CRAMP1: variants seen among roughly 807,000 people sequenced by gnomAD.
The protein encoded by CRAMP1 is protein cramped-like.
Under a neutral mutation model 115.4 loss-of-function variants are expected in CRAMP1, and 50 were observed. The ratio of observed to expected loss-of-function variants is 0.43; its 90% CI spans 0.35 to 0.55. The LOEUF (loss-of-function observed/expected upper bound fraction) is 0.55, where lower values mean the gene tolerates loss of function less well. CRAMP1 is among the 20% of genes least tolerant of loss of function. The probability of loss-of-function intolerance (pLI) is 0.01; values close to 1 mark genes in which losing one functional copy is unlikely to be tolerated. For synonymous variants in CRAMP1, 866 were observed against 745.4 expected, an observed-to-expected ratio of 1.16 and a Z score of -2.64; for missense variants, 1,679 against 1,721.7, an observed-to-expected ratio of 0.98 and a Z score of 0.44.
chr16:1,669,186 C>G lies in CRAMP1; in HGVS notation c.3499+21C>G. 1 of 1,543,104 alleles carries G rather than the reference C, an allele frequency of 6.5e-7. No individual in the cohort carries two copies. Among genetic ancestry groups the G allele is most frequent in the Non-Finnish European group, 8.7e-7 (1 of 1,144,566 alleles). ...GTTTGGTGAGTGTATGGGGAGGGCT[C>G]CCATCTCCTTTTCCAGGGCAGCAGG... On this transcript the variant is annotated intron_variant, in intron 19 of 20. Coordinates refer to ENST00000397412, the MANE Select transcript of CRAMP1 (RefSeq NM_020825.4). This position sits in a 1 kb window ranked among gnomAD's most constrained non-coding sequence, Gnocchi z 4.6.
intron 1 of CRAMP1, among the ~76,000 whole-genome samples, chr16:1,613,043 G>C (rs1010182624): frequency 2.0e-5 from 3 of 152,122 alleles, no homozygotes; most frequent in African/African-American, 7.2e-5. Flanking sequence ...TGGTGGCCGA[G>C]TTTGTTTTGC....
chr16:1,635,112 G>A (rs2036576970), intron 4 of CRAMP1, among the ~76,000 whole-genome samples: 1 of 152,136 alleles, frequency 6.6e-6, no homozygotes, highest in African/African-American at 2.4e-5. Flanking sequence ...TTGCCAAGCT[G>A]GTCTTGAACT....
chr16:1,629,372 T>G (rs1370113529), intron 3 of CRAMP1, among the ~76,000 whole-genome samples: 1 of 152,170 alleles, frequency 6.6e-6, no homozygotes, highest in Non-Finnish European at 1.5e-5. Flanking sequence ...CCCAGACAGC[T>G]CTCTCAGACT....
chr16:1,639,388 C>G (rs1489967287), intron 5 of CRAMP1, among the ~76,000 whole-genome samples: 4 of 150,348 alleles, frequency 2.7e-5, no homozygotes, highest in Non-Finnish European at 6.0e-5. Context: ...GAAGTTTCCC[C>G]CTCTAGAGGG....
At chr16:1,617,171 G>A (rs1031366198) in intron 2 of CRAMP1, among the ~76,000 whole-genome samples, 7 of 152,150 alleles carry the variant, frequency 4.6e-5, no homozygotes, top group Admixed American at 6.5e-5. Context: ...CTGTGATGGT[G>A]GCTTTTAGGA....
intron 4 of CRAMP1, 62 bp from the exon 5 acceptor site, chr16:1,637,762 A>G: frequency 1.2e-6 from 1 of 814,884 alleles, no homozygotes. Context: ...TGGCTCTCAC[A>G]CCCAAGCCAG....
chr16:1,614,863 G>GC lies in CRAMP1; in HGVS notation c.229dup (p.Gln77ProfsTer42). 1.5e-6 allele frequency: 2 copies of GC among 1,319,412 alleles called. No homozygotes were observed. Among genetic ancestry groups the GC allele is most frequent in the Admixed American group, 3.2e-5 (1 of 30,834 alleles). The allele number at this position is 1,319,412 out of a possible 1,614,324, so 81.7% of individuals were successfully genotyped here. A position where few individuals can be genotyped will look rare whatever the true frequency, so the allele number is the denominator to read the frequency against. On this transcript the variant is annotated frameshift_variant, in exon 2 of 21. Transcript: ENST00000397412. LOFTEE classifies it high-confidence loss of function. This position sits in a 1 kb window ranked among gnomAD's most constrained non-coding sequence, Gnocchi z 4.4. ...CAGGCGCCGTCCCCGCCGCAGGGCA[G>GC]CCCCCAGGACCAGCACCACTTCCTC... is the stretch of plus-strand genomic sequence containing the variant.
intron 6 of CRAMP1, 66 bp from the exon 7 acceptor site, chr16:1,652,430 G>A: frequency 7.0e-7 from 1 of 1,431,482 alleles, no homozygotes. Flanking sequence ...GCCTCTCCGT[G>A]TGCTGGCCCT....
At position 1,653,917 on chromosome 16, in the gene CRAMP1, G is replaced by T. The variant is rs1002760333; in HGVS notation, c.1037+761G>T. ...AGCACTTTGGGAGGCCAAGGCAGGTGGATCACGAGGTTAGGAGTTTGAGAC... is the reference window on the plus strand; with the variant it reads ...AGCACTTTGGGAGGCCAAGGCAGGTTGATCACGAGGTTAGGAGTTTGAGAC... On this transcript the variant is annotated intron_variant, in intron 8 of 20. Coordinates refer to ENST00000397412, the MANE Select transcript of CRAMP1 (RefSeq NM_020825.4). Among the ~76,000 whole-genome samples, 22 of 151,918 alleles carry T rather than the reference G, an allele frequency of 1.4e-4. 1 individual carries two copies. The highest frequency in any genetic ancestry group is 9.2e-4 in the Admixed American group (14 of 15,268).
At chr16:1,673,351 C>T (rs551730562) in intron 20 of CRAMP1, among the ~76,000 whole-genome samples, 12 of 151,730 alleles carry the variant, frequency 7.9e-5, no homozygotes, top group African/African-American at 2.4e-4. Flanking sequence ...GTGACGGGAA[C>T]GTGTCCCCCA....
In CRAMP1 at chr16:1,659,945, G is replaced by C. The variant is rs1484563734; in HGVS notation, c.2295G>C (p.Ser765=). The stretch of plus-strand genomic sequence containing the variant: ...TAAGGCCCGCCCAGGAGGAGCAGTC[G>C]ATGACGCCCCCAGGGAAGGTGGTGA... ...ASVRPAQEEQ[S]MTPPGKVVTV... is the part of the protein sequence containing the mutation. The change falls in exon 11 of 21, where the codon TCG becomes TCC. Residue 765 remains serine, a synonymous_variant. Coordinates refer to ENST00000397412, the MANE Select transcript of CRAMP1 (RefSeq NM_020825.4). 4 of 1,611,902 alleles carry C rather than the reference G, an allele frequency of 2.5e-6. No individual in the cohort carries two copies. The highest frequency in any genetic ancestry group is 2.2e-5 in the East Asian group (1 of 44,852).
At chr16:1,649,463 C>CTGTT (rs34161198) in intron 6 of CRAMP1, among the ~76,000 whole-genome samples, 24,893 of 151,984 alleles carry the variant, frequency 0.16, 3,007 homozygotes, top group African/African-American at 0.33. Context: ...TGGGACCTCA[C>CTGTT]TGTTTGGCCT....
chr16:1,652,656 A>G (rs1035115267), intron 7 of CRAMP1, 75 bp downstream of exon 7: 1 of 1,336,418 alleles, frequency 7.5e-7, no homozygotes, highest in African/African-American at 1.5e-5. Flanking sequence ...AGGCTGAGCT[A>G]CCGGGTTGCT....
intron 3 of CRAMP1, among the ~76,000 whole-genome samples, chr16:1,631,111 T>C (rs1241805504): frequency 6.6e-6 from 1 of 152,248 alleles, no homozygotes; most frequent in Non-Finnish European, 1.5e-5. Context: ...CTGTGCTGTT[T>C]GCTCCCAGTG....
intron 6 of CRAMP1, among the ~76,000 whole-genome samples, chr16:1,647,723 T>C (rs886591631): frequency 7.7e-6 from 1 of 129,850 alleles, no homozygotes; most frequent in Non-Finnish European, 1.5e-5. Context: ...CACTCCAGCC[T>C]GGGCGACAGA....
At chr16:1,670,574 G>A (rs1676248240) in intron 19 of CRAMP1, 90 bp from the exon 20 acceptor site, 1 of 1,448,056 alleles carries the variant, frequency 6.9e-7, no homozygotes, top group Non-Finnish European at 9.5e-7. Context: ...TAGGGCTTGG[G>A]CTGGCTGCCC....
intron 3 of CRAMP1, among the ~76,000 whole-genome samples, chr16:1,627,718 C>A (rs116481854): frequency 1.6e-4 from 25 of 152,244 alleles, no homozygotes; most frequent in African/African-American, 6.0e-4. Context: ...AGATATGAAG[C>A]CATTTAAACA....
chr16:1,634,388 T>C (rs982451205), intron 4 of CRAMP1, among the ~76,000 whole-genome samples: 2 of 152,200 alleles, frequency 1.3e-5, no homozygotes, highest in African/African-American at 4.8e-5. Context: ...CCTTTCCCTG[T>C]TAAACAACCT....
intron 2 of CRAMP1, among the ~76,000 whole-genome samples, chr16:1,615,967 G>C (rs910328262): frequency 2.6e-5 from 4 of 152,314 alleles, no homozygotes; most frequent in Admixed American, 2.6e-4. Context: ...TGGAGAACCT[G>C]CTTTGGAGAT....
Sources: allele counts gnomAD v4.1 joint callset (sites outside exome capture counted in the v4.1 genomes callset), GRCh38; gene constraint gnomAD v4.1.1; non-coding constraint Gnocchi (gnomAD v3.1); transcripts MANE v1.5; gene names NCBI Gene and HGNC (gene_info 2026-07-23, HGNC 2026-07-21).